KLF3: variants seen among roughly 807,000 people sequenced by gnomAD.
The protein encoded by KLF3 is Krueppel-like factor 3.
A neutral mutation model predicts 32.7 loss-of-function variants in KLF3; 6 were observed. The ratio of observed to expected loss-of-function variants is 0.18; its 90% CI spans 0.10 to 0.36. The LOEUF (loss-of-function observed/expected upper bound fraction) is 0.36, where lower values mean the gene tolerates loss of function less well. KLF3 is among the 10% of genes least tolerant of loss of function. The pLI is 1.00. For missense variants in KLF3, 338 were observed against 449.7 expected, an observed-to-expected ratio of 0.75 and a Z score of 2.25; for synonymous variants, 145 against 172.8, an observed-to-expected ratio of 0.84 and a Z score of 1.26.
intron 4 of KLF3, 31 bp downstream of exon 4, chr4:38,689,910 C>G: frequency 6.7e-7 from 1 of 1,484,052 alleles, no homozygotes; most frequent in Non-Finnish European, 9.1e-7. Flanking sequence ...CCAGCATTTG[C>G]ATAGTAGTGT....
intron 4 of KLF3, among the ~76,000 whole-genome samples, chr4:38,692,032 A>G (rs1194640552): frequency 6.6e-6 from 1 of 152,266 alleles, no homozygotes; most frequent in Non-Finnish European, 1.5e-5. Flanking sequence ...ACTCAAAGGT[A>G]CATCAAATTC....
intron 3 of KLF3, 122 bp from the exon 4 acceptor site, chr4:38,689,607 A>C: frequency 1.5e-6 from 1 of 682,754 alleles, no homozygotes; most frequent in South Asian, 2.1e-5. Flanking sequence ...TTCCTGCTAT[A>C]GTCTGCCAAA....
At chr4:38,678,114 T>A (rs1449215032) in intron 1 of KLF3, among the ~76,000 whole-genome samples, 1 of 152,036 alleles carries the variant, frequency 6.6e-6, no homozygotes, top group Non-Finnish European at 1.5e-5. Flanking sequence ...TACTCTCTAG[T>A]GGGATAGATG....
At chr4:38,696,862 TTAAAA>T (rs2109258785) in intron 5 of KLF3, among the ~76,000 whole-genome samples, 1 of 130,030 alleles carries the variant, frequency 7.7e-6, no homozygotes, top group African/African-American at 4.6e-5. Flanking sequence ...TTAAGAACTC[TTAAAA>T]TTCTCCTCCC....
chr4:38,675,001 C>G (rs1722301434), intron 1 of KLF3, among the ~76,000 whole-genome samples: 1 of 152,228 alleles, frequency 6.6e-6, no homozygotes, highest in Non-Finnish European at 1.5e-5. Context: ...GCCCCGCTCC[C>G]CACTCCATAA....
rs1010293037 is a variant in KLF3, at chr4:38,697,104, A to G, written c.879A>G (p.Thr293=). The change falls in exon 6 of 6, where the codon ACA becomes ACG. Residue 293 remains threonine, a synonymous_variant. Transcript: ENST00000261438. ...THTGEKPYKC[T]WEGCTWKFAR... ...CAGGAGAAAAACCCTACAAATGTACATGGGAAGGGTGCACATGGAAGTTTG... is the reference window on the plus strand; with the variant it reads ...CAGGAGAAAAACCCTACAAATGTACGTGGGAAGGGTGCACATGGAAGTTTG... 12 of 1,610,054 alleles carry G rather than the reference A, an allele frequency of 7.5e-6. No individual in the cohort carries two copies. The African/African-American group carries it at 1.2e-4, about 16-fold the overall frequency.
chr4:38,668,414 C>G (rs530258616), intron 1 of KLF3, among the ~76,000 whole-genome samples: 1 of 151,968 alleles, frequency 6.6e-6, no homozygotes, highest in South Asian at 2.1e-4. Context: ...AAATCAGGCT[C>G]TCTTCTCCCC....
At chr4:38,669,336 C>T (rs955196674) in intron 1 of KLF3, among the ~76,000 whole-genome samples, 10 of 151,972 alleles carry the variant, frequency 6.6e-5, no homozygotes, top group African/African-American at 2.4e-4. Flanking sequence ...TTATGGTGGT[C>T]GCTAGCATTC....
chr4:38,665,012 CT>C (rs1329385584), intron 1 of KLF3: 3 of 150,802 alleles, frequency 2.0e-5, no homozygotes, highest in Non-Finnish European at 3.0e-5. Flanking sequence ...CGCCGCCCCC[CT>C]CCCAGGACAC....
At chr4:38,678,892 CT>C (rs1226757704) in intron 1 of KLF3, among the ~76,000 whole-genome samples, 1 of 152,194 alleles carries the variant, frequency 6.6e-6, no homozygotes, top group Non-Finnish European at 1.5e-5. Flanking sequence ...CCAAATTTGG[CT>C]AATGAGTGCC....
chr4:38,684,900 G>A (rs1351304325), intron 2 of KLF3, among the ~76,000 whole-genome samples: 1 of 152,158 alleles, frequency 6.6e-6, no homozygotes, highest in Admixed American at 6.5e-5. Context: ...GGGGGCCAGA[G>A]GCAGAAGCGG....
At chr4:38,677,576 G>A (rs2109242945) in intron 1 of KLF3, among the ~76,000 whole-genome samples, 1 of 152,328 alleles carries the variant, frequency 6.6e-6, no homozygotes, top group South Asian at 2.1e-4. Flanking sequence ...CGTGCAGGAT[G>A]ACATGAAGTG....
At chr4:38,683,874 T>C (rs1385366693) in intron 2 of KLF3, among the ~76,000 whole-genome samples, 1 of 152,202 alleles carries the variant, frequency 6.6e-6, no homozygotes, top group Non-Finnish European at 1.5e-5. Flanking sequence ...TGCTCTTTTC[T>C]AACAGAAACT....
chr4:38,681,149 G>C (rs1217483419), intron 2 of KLF3, among the ~76,000 whole-genome samples: 1 of 151,944 alleles, frequency 6.6e-6, no homozygotes, highest in Admixed American at 6.6e-5. Context: ...GCTAAATACT[G>C]TCCTAGCAGC....
intron 1 of KLF3, among the ~76,000 whole-genome samples, chr4:38,675,462 T>G (rs1320526146): frequency 1.3e-5 from 2 of 152,198 alleles, no homozygotes; most frequent in Non-Finnish European, 2.9e-5. Flanking sequence ...TTTCTAAGAC[T>G]AGCTAATGTA....
intron 4 of KLF3, among the ~76,000 whole-genome samples, chr4:38,693,079 CAT>C (rs1011080241): frequency 2.5e-5 from 3 of 122,186 alleles, no homozygotes; most frequent in Non-Finnish European, 5.1e-5. Flanking sequence ...TATATATACA[CAT>C]ATATATACAC....
intron 2 of KLF3, among the ~76,000 whole-genome samples, chr4:38,682,671 A>G (rs1404586092): frequency 1.3e-5 from 2 of 152,212 alleles, no homozygotes; most frequent in East Asian, 1.9e-4. Context: ...GGTGTGATAT[A>G]TATAATTAAG....
In KLF3 at chr4:38,688,092, A is replaced by G. The variant is rs889185875; in HGVS notation, c.58-493A>G. Among the ~76,000 whole-genome samples the G allele has an allele frequency of 5.3e-5, 8 of 152,226 alleles. No individual in the cohort carries two copies. Among genetic ancestry groups the G allele is most frequent in the Non-Finnish European group, 1.0e-4 (7 of 68,040 alleles). On this transcript the variant is annotated intron_variant, in intron 2 of 5. Coordinates refer to ENST00000261438, the MANE Select transcript of KLF3 (RefSeq NM_016531.6). The surrounding 1 kb of genome is among the most constrained non-coding windows in gnomAD (Gnocchi z 4.9). ...ATGTCCTGCTGAAGTTGAAGACACT[A>G]CTTATCCTGAGAAAGAGCTGTCCTG...
At chr4:38,681,103 A>G (rs927126942) in intron 2 of KLF3, 4 of 170,560 alleles carry the variant, frequency 2.3e-5, no homozygotes, top group South Asian at 2.6e-4. Context: ...GGCATTTCAT[A>G]GGCAAACTTT....
Sources: gnomAD v4.1 joint callset for allele counts (sites outside exome capture counted in the v4.1 genomes callset) on GRCh38, gnomAD v4.1.1 for gene constraint, Gnocchi (gnomAD v3.1) non-coding constraint, MANE v1.5 for transcripts, NCBI Gene and HGNC (gene_info 2026-07-23, HGNC 2026-07-21) for gene names.